Variants in GFRA1 observed in about 807,000 individuals in gnomAD.
GFRA1 encodes GDNF family receptor alpha 1, also known as GDNF family receptor alpha-1.
Under a neutral mutation model 51.6 loss-of-function variants are expected in GFRA1, and 16 were observed. The observed-to-expected ratio is 0.31, with a 90% CI of 0.21 to 0.47. The LOEUF is 0.47. Among genes scored for constraint, GFRA1 ranks in the 20% least tolerant of loss-of-function variants. The pLI, the probability that GFRA1 is intolerant of heterozygous loss-of-function variation, is 1.00. For synonymous variants in GFRA1, 270 were observed against 241.3 expected (o/e 1.12, Z -1.10); for missense variants, 530 against 594.3 (o/e 0.89, Z 1.13).
chr10:116,153,555 T>G (rs1236818089), intron 5 of GFRA1, among the ~76,000 whole-genome samples: 1 of 152,220 alleles, frequency 6.6e-6, no homozygotes, highest in Non-Finnish European at 1.5e-5. Flanking sequence ...ACATTATTTT[T>G]TGGCTAGCTT....
rs148664993 is a variant in GFRA1, at chr10:116,219,646, C to G, written c.419-8001G>C. On this transcript the variant is annotated intron_variant, in intron 4 of 10. Transcript: ENST00000355422. ...CAAAAGAAGCTGACAAGTAACATTG[C>G]TTTAATTTTCCTAAACTTCTATCAT... Among the ~76,000 whole-genome samples, 135 of 152,250 alleles carry G rather than the reference C, an allele frequency of 8.9e-4. 1 individual carries two copies. Among genetic ancestry groups the G allele is most frequent in the African/African-American group, 3.1e-3 (129 of 41,554 alleles).
At chr10:116,133,564 T>C (rs563742462) in intron 5 of GFRA1, among the ~76,000 whole-genome samples, 1 of 152,358 alleles carries the variant, frequency 6.6e-6, no homozygotes, top group Admixed American at 6.5e-5. Flanking sequence ...ATTTGTGAGA[T>C]GATATATCTA....
At chr10:116,196,638 ACTATATATAATATATATATAGTAC>A (rs1963839690) in intron 5 of GFRA1, among the ~76,000 whole-genome samples, 1 of 10,650 alleles carries the variant, frequency 9.4e-5, no homozygotes, top group Non-Finnish European at 2.2e-4. Context: ...AATATATAGT[ACTATATATAATATATATATAGTAC>A]TATATATAAT....
At chr10:116,256,031 A>C (rs1405145404) in intron 4 of GFRA1, among the ~76,000 whole-genome samples, 1 of 152,174 alleles carries the variant, frequency 6.6e-6, no homozygotes, top group East Asian at 1.9e-4. Context: ...AGGCGCTGGC[A>C]GTCATCCACC....
intron 9 of GFRA1, among the ~76,000 whole-genome samples, chr10:116,084,719 A>T (rs1255530064): frequency 6.6e-6 from 1 of 151,880 alleles, no homozygotes; most frequent in Non-Finnish European, 1.5e-5. Flanking sequence ...TGCAAAATAG[A>T]GAATTTTTCT....
chr10:116,224,994 A>G (rs1431848006), intron 4 of GFRA1, among the ~76,000 whole-genome samples: 1 of 152,126 alleles, frequency 6.6e-6, no homozygotes, highest in East Asian at 1.9e-4. Context: ...ATAGCTAGAG[A>G]AAACTATGCT....
At chr10:116,176,868 C>T (rs1325798796) in intron 5 of GFRA1, among the ~76,000 whole-genome samples, 2 of 152,158 alleles carry the variant, frequency 1.3e-5, no homozygotes, top group Admixed American at 1.3e-4. Flanking sequence ...ACCAAGAGAT[C>T]ACCATGCAGT....
Position 116,271,114 on chromosome 10 carries a change from G to C in GFRA1, c.42C>G (p.Asp14Glu). The C allele has an allele frequency of 6.2e-7, 1 of 1,604,568 alleles. No homozygotes were observed. Among genetic ancestry groups the C allele is most frequent in the Non-Finnish European group, 8.5e-7 (1 of 1,172,624 alleles). The change falls in exon 3 of 11, where the codon GAC becomes GAG. Residue 14 changes from aspartate (D) to glutamate (E), a missense_variant and splice_region_variant. Coordinates refer to ENST00000355422, the MANE Select transcript of GFRA1 (RefSeq NM_005264.8). Reference sequence around the variant, plus strand: ...CGCTCACTTCGGCCGACAGGAGCAAGTCTGCGGGGCAGAGGGGAGGGAGCC... The same window carrying C: ...CGCTCACTTCGGCCGACAGGAGCAACTCTGCGGGGCAGAGGGGAGGGAGCC... ...ATLYFALPLL[D>E]LLLSAEVSGG...
At position 116,166,780 on chromosome 10, in the gene GFRA1, C is replaced by CTTTT. The variant is rs530399969; in HGVS notation, c.434-41227_434-41224dup. Among the ~76,000 whole-genome samples the CTTTT allele has an allele frequency of 1.5e-3, 112 of 76,452 alleles. 6 individuals carry two copies. The highest frequency in any genetic ancestry group is 0.023 in the Middle Eastern group (2 of 86). 50.2% of individuals were successfully genotyped at this position (76,452 alleles called of 152,430 possible). A position where few individuals can be genotyped will look rare whatever the true frequency, so the allele number is the denominator to read the frequency against. On this transcript the variant is annotated intron_variant, in intron 5 of 10. Coordinates refer to ENST00000355422, the MANE Select transcript of GFRA1 (RefSeq NM_005264.8). Reference sequence around the variant, plus strand: ...TCCCTTGAAGGATAGCAACAATCTTCTTTTTTTTTTTTTTTTTTTTTTTTT... The same window carrying CTTTT: ...TCCCTTGAAGGATAGCAACAATCTTCTTTTTTTTTTTTTTTTTTTTTTTTTTTTT...
rs1387983998 is a variant in GFRA1 at position 116,136,483 on chromosome 10, C to T, written c.434-10926G>A. Reference sequence around the variant, plus strand: ...CGAGTAACAAAGAATCCAAAACCCCCCTCTTCCCCCTCCACTTTGCACCAG... The same window carrying T: ...CGAGTAACAAAGAATCCAAAACCCCTCTCTTCCCCCTCCACTTTGCACCAG... On this transcript the variant is annotated intron_variant, in intron 5 of 10. Transcript: ENST00000355422. Among the ~76,000 whole-genome samples the T allele has an allele frequency of 2.0e-5, 3 of 152,200 alleles. No individual in the cohort carries two copies. In the South Asian group the frequency reaches 6.2e-4, roughly 32 times the overall value.
At chr10:116,238,288 G>A (rs540116648) in intron 4 of GFRA1, among the ~76,000 whole-genome samples, 40 of 152,226 alleles carry the variant, frequency 2.6e-4, no homozygotes, top group Non-Finnish European at 2.8e-4. Flanking sequence ...TAACCTCCCA[G>A]TGACCTCGCA....
In GFRA1 at chr10:116,206,723, C is replaced by T. The variant is rs542284216; in HGVS notation, c.433+4908G>A. On this transcript the variant is annotated intron_variant, in intron 5 of 10. Coordinates refer to ENST00000355422, the MANE Select transcript of GFRA1 (RefSeq NM_005264.8). ...TCTCGGCTCACTGCAAGCTCCGCCT[C>T]CCGGGTTCACGCCATTCTCCTTCCT... Among the ~76,000 whole-genome samples, 3 of 151,316 alleles carry T rather than the reference C, an allele frequency of 2.0e-5. No homozygotes were observed. The South Asian group carries it at 6.3e-4, about 32-fold the overall frequency.
intron 5 of GFRA1, among the ~76,000 whole-genome samples, chr10:116,194,054 AT>A (rs1565641220): frequency 0.011 from 841 of 76,858 alleles, 35 homozygotes; most frequent in African/African-American, 0.036. Flanking sequence ...AAAAAAATAA[AT>A]AAATAAAATT....
chr10:116,260,763 T>C (rs1311254845), intron 4 of GFRA1, among the ~76,000 whole-genome samples: 2 of 152,208 alleles, frequency 1.3e-5, no homozygotes, highest in Non-Finnish European at 2.9e-5. Context: ...GAAAGAGAGA[T>C]GAAAGAAATG....
chr10:116,141,218 A>G (rs2134092735), intron 5 of GFRA1, among the ~76,000 whole-genome samples: 1 of 152,318 alleles, frequency 6.6e-6, no homozygotes, highest in Non-Finnish European at 1.5e-5. Context: ...CAAGGTGGAG[A>G]GGGAGAGTAT....
rs5788145 is a variant in GFRA1, at chr10:116,237,574, CAAAAA to C, written c.419-25934_419-25930del. 5.3e-5 allele frequency among the ~76,000 whole-genome samples: 6 copies of C among 112,550 alleles called. No individual in the cohort carries two copies. The East Asian group carries it at 9.1e-4, about 17-fold the overall frequency. The allele number at this position is 112,550 out of a possible 152,430, so 73.8% of individuals were successfully genotyped here. A position where few individuals can be genotyped will look rare whatever the true frequency, so the allele number is the denominator to read the frequency against. ...GATTAATGAACCAATAAACTAAAGG[CAAAAA>C]AAAAAAAAAAAAAGCAAGAAGAACG... On this transcript the variant is annotated intron_variant, in intron 4 of 10. Coordinates refer to ENST00000355422, the MANE Select transcript of GFRA1 (RefSeq NM_005264.8).
chr10:116,212,424 G>A (rs1245885306), intron 4 of GFRA1, among the ~76,000 whole-genome samples: 2 of 151,886 alleles, frequency 1.3e-5, no homozygotes. Context: ...GGAGGCTGAG[G>A]CAGGAGAATC....
chr10:116,251,530 G>A (rs566064396), intron 4 of GFRA1, among the ~76,000 whole-genome samples: 2 of 152,144 alleles, frequency 1.3e-5, no homozygotes, highest in Non-Finnish European at 2.9e-5. Context: ...TACCAGAGAG[G>A]AACAGAAGGG....
At chr10:116,106,210 C>G (rs191812054) in intron 6 of GFRA1, among the ~76,000 whole-genome samples, 78 of 152,228 alleles carry the variant, frequency 5.1e-4, no homozygotes, top group Middle Eastern at 3.4e-3. Context: ...CCAGTGAGAC[C>G]CGAGTCAGAC....
Sources: allele counts gnomAD v4.1 joint callset (sites outside exome capture counted in the v4.1 genomes callset), GRCh38; gene constraint gnomAD v4.1.1; transcripts MANE v1.5; gene names NCBI Gene and HGNC (gene_info 2026-07-23, HGNC 2026-07-21).